CBFB: variants seen among roughly 807,000 people sequenced by gnomAD.
CBFB encodes the protein core-binding factor subunit beta, also known as CBF-beta.
A neutral mutation model predicts 30.4 loss-of-function variants in CBFB; 9 were observed. The observed-to-expected ratio is 0.30, with a 90% CI of 0.18 to 0.52. The LOEUF (loss-of-function observed/expected upper bound fraction) is 0.52, where lower values mean the gene tolerates loss of function less well. Among genes scored for constraint, CBFB ranks in the 20% least tolerant of loss-of-function variants. The pLI, the probability that CBFB is intolerant of heterozygous loss-of-function variation, is 0.97. For synonymous variants in CBFB, 94 were observed against 84.0 expected, an observed-to-expected ratio of 1.12 and a Z score of -0.65; for missense variants, 170 against 244.0, an observed-to-expected ratio of 0.70 and a Z score of 2.02.
chr16:67,050,810 A>T (rs1323301012), intron 3 of CBFB, among the ~76,000 whole-genome samples: 1 of 152,160 alleles, frequency 6.6e-6, no homozygotes, highest in Non-Finnish European at 1.5e-5. Flanking sequence ...CTAAAAGTTT[A>T]AAAAAATAAA....
At chr16:67,080,222 A>G (rs1411663218) in intron 4 of CBFB, among the ~76,000 whole-genome samples, 1 of 148,428 alleles carries the variant, frequency 6.7e-6, no homozygotes, top group Non-Finnish European at 1.5e-5. Flanking sequence ...CTTTAAAGGC[A>G]TACTCCGATG....
At chr16:67,057,687 A>C (rs1960770456) in intron 3 of CBFB, among the ~76,000 whole-genome samples, 1 of 151,974 alleles carries the variant, frequency 6.6e-6, no homozygotes, top group African/African-American at 2.4e-5. Context: ...ATTTTTGGTT[A>C]GTTATGTTAA....
At chr16:67,038,338 ATATG>A (rs994682211) in intron 3 of CBFB, among the ~76,000 whole-genome samples, 16 of 151,196 alleles carry the variant, frequency 1.1e-4, no homozygotes, top group African/African-American at 3.9e-4. Flanking sequence ...GTGTGTGTAT[ATATG>A]TATATATGTG....
intron 2 of CBFB, among the ~76,000 whole-genome samples, chr16:67,034,015 A>G (rs1012052294): frequency 2.6e-5 from 4 of 151,782 alleles, no homozygotes; most frequent in African/African-American, 9.7e-5. Context: ...TTTTTAGTAG[A>G]GGTGGGGTTT....
At chr16:67,082,866 C>G (rs1254716556) in intron 5 of CBFB, among the ~76,000 whole-genome samples, 1 of 152,078 alleles carries the variant, frequency 6.6e-6, no homozygotes, top group Non-Finnish European at 1.5e-5. Context: ...AAATCTGTAG[C>G]TTCCTTTGCT....
chr16:67,084,783 G>A (rs979878422), intron 5 of CBFB, among the ~76,000 whole-genome samples: 1 of 151,800 alleles, frequency 6.6e-6, no homozygotes, highest in Non-Finnish European at 1.5e-5. Flanking sequence ...GTGTGTGCGT[G>A]CATGGGTGCA....
rs1966580889 is a variant in CBFB at position 67,044,100 on chromosome 16, A to C, written c.282+7345A>C. Among the ~76,000 whole-genome samples, 3 of 152,374 alleles carry C rather than the reference A, an allele frequency of 2.0e-5. No individual in the cohort carries two copies. The South Asian group carries it at 6.2e-4, about 32-fold the overall frequency. ...ATTTCCAATTACTTTTATTTCAAAT[A>C]AATGCAAGTGATTATGGTTGACCAT... On this transcript the variant is annotated intron_variant, in intron 3 of 5. Coordinates refer to ENST00000412916, the MANE Select transcript of CBFB (RefSeq NM_022845.3).
At chr16:67,045,170 GTTATT>G (rs1430641174) in intron 3 of CBFB, among the ~76,000 whole-genome samples, 1 of 150,662 alleles carries the variant, frequency 6.6e-6, no homozygotes, top group East Asian at 1.9e-4. Context: ...TTTTATTTTA[GTTATT>G]TTAGTTATTT....
At chr16:67,091,373 C>T (rs748474851) in intron 5 of CBFB, among the ~76,000 whole-genome samples, 3 of 152,164 alleles carry the variant, frequency 2.0e-5, no homozygotes, top group Non-Finnish European at 2.9e-5. Flanking sequence ...GTTATAATAA[C>T]AGCATCATGA....
rs2145713197 is a variant in CBFB, at chr16:67,036,655, G to C, written c.182G>C (p.Gly61Ala). ...TTCTAAAAGGCTTTTGTGGCCACAGGAACCAATCTGTCTCTCCAGTTTTTT... is the reference window on the plus strand; with the variant it reads ...TTCTAAAAGGCTTTTGTGGCCACAGCAACCAATCTGTCTCTCCAGTTTTTT... Reference protein sequence around the residue: ...GRSEIAFVATGTNLSLQFFPA... With the variant: ...GRSEIAFVATATNLSLQFFPA... Residue 61 changes from glycine to alanine, a missense_variant, in exon 3 of 6, where the codon GGA becomes GCA. Transcript: ENST00000412916. 6.2e-7 allele frequency: 1 copy of C among 1,612,500 alleles called. No individual in the cohort carries two copies. Among genetic ancestry groups the C allele is most frequent in the Non-Finnish European group, 8.5e-7 (1 of 1,178,576 alleles).
chr16:67,082,129 GAA>G (rs36017652), intron 4 of CBFB, 82 bp from the exon 5 acceptor site: 10,862 of 844,566 alleles, frequency 0.013, no homozygotes, highest in South Asian at 0.019. Flanking sequence ...ACTGTTTCAG[GAA>G]AAAAAAAAAA....
At chr16:67,053,282 C>A (rs1184514613) in intron 3 of CBFB, among the ~76,000 whole-genome samples, 1 of 119,986 alleles carries the variant, frequency 8.3e-6, no homozygotes, top group Non-Finnish European at 1.6e-5. Flanking sequence ...TGAGAGGAGT[C>A]TTGCTCTGTC....
intron 3 of CBFB, among the ~76,000 whole-genome samples, chr16:67,061,597 C>T (rs1960912362): frequency 6.6e-6 from 1 of 152,140 alleles, no homozygotes; most frequent in East Asian, 1.9e-4. Flanking sequence ...TTCATGAATA[C>T]ATGAAAGCAC....
intron 4 of CBFB, among the ~76,000 whole-genome samples, chr16:67,070,193 CT>C (rs1961180281): frequency 6.6e-6 from 1 of 152,166 alleles, no homozygotes; most frequent in Admixed American, 6.5e-5. Context: ...AAAATTAAAA[CT>C]TTCTAGTGAA....
rs1301148870 is a variant in CBFB at position 67,099,502 on chromosome 16, C to T, written c.*724C>T. On this transcript the variant is annotated 3_prime_UTR_variant, in exon 6 of 6. Transcript: ENST00000412916. ...CTCCTGGCATCAAGCGATCCTCCTG[C>T]CTTAGCCTCCCAGAGTACTGGGATT... 2 of 202,398 alleles carry T rather than the reference C, an allele frequency of 9.9e-6. No individual in the cohort carries two copies. Among genetic ancestry groups the T allele is most frequent in the African/African-American group, 4.6e-5 (2 of 43,568 alleles). 12.5% of individuals were successfully genotyped at this position (202,398 alleles called of 1,614,324 possible).
chr16:67,032,723 G>T (rs890032645), intron 2 of CBFB, among the ~76,000 whole-genome samples: 22 of 152,286 alleles, frequency 1.4e-4, no homozygotes, highest in African/African-American at 4.8e-4. Flanking sequence ...TTATGAACAG[G>T]CTGGGTTTCT....
In CBFB at chr16:67,100,259, A is replaced by G. The variant is rs1221311478; in HGVS notation, c.*1481A>G. On this transcript the variant is annotated 3_prime_UTR_variant, in exon 6 of 6. Transcript: ENST00000412916. The stretch of plus-strand genomic sequence containing the variant: ...ATTCAGAAAATGGACTGAAGTCTGA[A>G]TAAGGTCATTGCATTTAAAAAGCAT... 4.5e-6 allele frequency: 1 copy of G among 220,106 alleles called. No individual in the cohort carries two copies. Among genetic ancestry groups the G allele is most frequent in the Non-Finnish European group, 9.1e-6 (1 of 109,700 alleles). The allele number at this position is 220,106 out of a possible 1,614,324, so 13.6% of individuals were successfully genotyped here. A position where few individuals can be genotyped will look rare whatever the true frequency, so the allele number is the denominator to read the frequency against.
At chr16:67,041,270 C>T (rs1296957892) in intron 3 of CBFB, among the ~76,000 whole-genome samples, 5 of 152,194 alleles carry the variant, frequency 3.3e-5, no homozygotes, top group South Asian at 2.1e-4. Flanking sequence ...ATATTATCTA[C>T]GTTAGGTTTT....
At chr16:67,064,190 C>G (rs1203586906) in intron 3 of CBFB, among the ~76,000 whole-genome samples, 1 of 152,036 alleles carries the variant, frequency 6.6e-6, no homozygotes, top group African/African-American at 2.4e-5. Context: ...TAGAGAAGAC[C>G]TAAAATTATG....
Sources: gnomAD v4.1 joint callset for allele counts (sites outside exome capture counted in the v4.1 genomes callset) on GRCh38, gnomAD v4.1.1 for gene constraint, MANE v1.5 for transcripts, NCBI Gene and HGNC (gene_info 2026-07-23, HGNC 2026-07-21) for gene names.